Variants in TAF4B observed in about 807,000 individuals in gnomAD.
TAF4B encodes the protein transcription initiation factor TFIID subunit 4B.
TAF4B carries 38 observed loss-of-function variants against 86.4 expected under a neutral mutation model. The observed-to-expected ratio is 0.44, with a 90% CI of 0.34 to 0.58. The LOEUF is 0.58. Ranked by LOEUF, TAF4B falls within the 20% of genes least tolerant of loss-of-function variation. TAF4B has a pLI of 0.02. For missense variants in TAF4B, 988 were observed against 1,027.6 expected (o/e 0.96, Z 0.53); for synonymous variants, 388 against 391.2 (o/e 0.99, Z 0.10).
At chr18:26,251,259 C>T (rs2056002660) in intron 1 of TAF4B, among the ~76,000 whole-genome samples, 1 of 152,116 alleles carries the variant, frequency 6.6e-6, no homozygotes, top group Non-Finnish European at 1.5e-5. Context: ...GTTTTCCTAA[C>T]CCTGGACTAT....
intron 14 of TAF4B, among the ~76,000 whole-genome samples, chr18:26,364,938 A>G (rs760201458): frequency 1.3e-5 from 2 of 151,812 alleles, no homozygotes; most frequent in African/African-American, 2.4e-5. Flanking sequence ...AGAAATTGCA[A>G]TATGTATTAG....
intron 14 of TAF4B, among the ~76,000 whole-genome samples, chr18:26,360,671 T>C (rs1269691613): frequency 6.6e-6 from 1 of 152,230 alleles, no homozygotes; most frequent in African/African-American, 2.4e-5. Context: ...CAGTCCTCTC[T>C]CATTCTCCCT....
At chr18:26,338,892 A>C (rs1489600760) in intron 13 of TAF4B, among the ~76,000 whole-genome samples, 1 of 152,164 alleles carries the variant, frequency 6.6e-6, no homozygotes, top group Non-Finnish European at 1.5e-5. Context: ...AAAAGCATCA[A>C]ATAATTTCTT....
At chr18:26,342,144 C>G (rs532220048) in intron 13 of TAF4B, among the ~76,000 whole-genome samples, 1 of 152,184 alleles carries the variant, frequency 6.6e-6, no homozygotes, top group African/African-American at 2.4e-5. Context: ...ATTGTGAAAT[C>G]TAAGCAGGAC....
At chr18:26,339,375 G>T (rs1219426622) in intron 13 of TAF4B, among the ~76,000 whole-genome samples, 2 of 152,096 alleles carry the variant, frequency 1.3e-5, no homozygotes, top group Non-Finnish European at 2.9e-5. Context: ...ACCCAGGCTG[G>T]AGCGCAGTGA....
In TAF4B at chr18:26,344,796, G is replaced by A. The variant is rs186903008; in HGVS notation, c.2316+9565G>A. Among the ~76,000 whole-genome samples the A allele has an allele frequency of 4.1e-4, 62 of 149,610 alleles. No individual in the cohort carries two copies. The East Asian group carries it at 0.011, about 26-fold the overall frequency. ...TAAACAGATAGGATTTGACTAGAAT[G>A]TCAGAGAGAGCGCTGGAGTGTGGTT... is the stretch of plus-strand genomic sequence containing the variant. On this transcript the variant is annotated intron_variant, in intron 13 of 14. Coordinates refer to ENST00000269142, the MANE Select transcript of TAF4B (RefSeq NM_005640.3).
intron 14 of TAF4B, among the ~76,000 whole-genome samples, chr18:26,358,329 A>G (rs2057304365): frequency 6.6e-6 from 1 of 152,210 alleles, no homozygotes; most frequent in Non-Finnish European, 1.5e-5. Flanking sequence ...CCCCCATAGA[A>G]TAGGCACATG....
intron 9 of TAF4B, among the ~76,000 whole-genome samples, chr18:26,303,633 CATACCCCCTCCACTTT>C (rs2056764924): frequency 3.6e-5 from 1 of 27,648 alleles, no homozygotes; most frequent in Admixed American, 3.1e-4. Flanking sequence ...CCTCCACTTT[CATACCCCCTCCACTTT>C]CATACCCCCT....
At position 26,290,331 on chromosome 18, in the gene TAF4B, G is replaced by A. The variant is rs138994247; in HGVS notation, c.1591-1915G>A. Among the ~76,000 whole-genome samples, 43 of 152,188 alleles carry A rather than the reference G, an allele frequency of 2.8e-4. No individual in the cohort carries two copies. In the East Asian group the frequency reaches 7.3e-3, roughly 26 times the overall value. The stretch of plus-strand genomic sequence containing the variant: ...ATTAAAAAACTTTTTATTTTGATTA[G>A]AGACAGGGTCTTGCTATATTGCCCA... On this transcript the variant is annotated intron_variant, in intron 7 of 14. Transcript: ENST00000269142.
intron 13 of TAF4B, among the ~76,000 whole-genome samples, chr18:26,356,679 A>G (rs757074605): frequency 2.0e-5 from 3 of 151,824 alleles, no homozygotes; most frequent in Admixed American, 6.6e-5. Flanking sequence ...TTTTCCCTCC[A>G]TAGTATTAAT....
intron 13 of TAF4B, among the ~76,000 whole-genome samples, chr18:26,346,907 G>GTATATACATA (rs1555623723): frequency 8.9e-5 from 1 of 11,220 alleles, no homozygotes; most frequent in Admixed American, 1.1e-3. Flanking sequence ...ATATGTGTGT[G>GTATATACATA]TATATATATA....
chr18:26,244,463 G>A (rs1328868678), intron 1 of TAF4B, among the ~76,000 whole-genome samples: 2 of 152,152 alleles, frequency 1.3e-5, no homozygotes, highest in Admixed American at 1.3e-4. Context: ...GATTTTCCAG[G>A]TACTGTCTGT....
At chr18:26,307,362 T>C (rs896123290) in intron 9 of TAF4B, among the ~76,000 whole-genome samples, 2 of 152,168 alleles carry the variant, frequency 1.3e-5, no homozygotes, top group African/African-American at 4.8e-5. Flanking sequence ...GAAGCTGTAT[T>C]GTGCTTAAAC....
intron 1 of TAF4B, among the ~76,000 whole-genome samples, chr18:26,229,832 A>C (rs2055636983): frequency 6.6e-6 from 1 of 152,154 alleles, no homozygotes; most frequent in South Asian, 2.1e-4. Context: ...TTGCATACCA[A>C]GAATTAGCAC....
chr18:26,368,265 A>G (rs549580296), intron 14 of TAF4B, among the ~76,000 whole-genome samples: 2 of 152,306 alleles, frequency 1.3e-5, no homozygotes, highest in African/African-American at 2.4e-5. Flanking sequence ...CATATTTGCT[A>G]GTTTTCATCA....
At chr18:26,230,408 A>C (rs1401560464) in intron 1 of TAF4B, among the ~76,000 whole-genome samples, 1 of 152,148 alleles carries the variant, frequency 6.6e-6, no homozygotes, top group Non-Finnish European at 1.5e-5. Context: ...CTCTGGCTTT[A>C]TCAAAGGGAT....
At chr18:26,378,305 T>G (rs989628490) in intron 14 of TAF4B, among the ~76,000 whole-genome samples, 1 of 152,212 alleles carries the variant, frequency 6.6e-6, no homozygotes, top group Admixed American at 6.5e-5. Context: ...TTCAGTAATA[T>G]TTATAAAATT....
At chr18:26,255,689 C>G in intron 1 of TAF4B, 2 of 1,537,292 alleles carry the variant, frequency 1.3e-6, no homozygotes, top group South Asian at 1.2e-5. Context: ...TACATAAAAA[C>G]CTCAGTCACC....
chr18:26,295,054 A>G (rs1002270648), intron 9 of TAF4B: 16 of 153,112 alleles, frequency 1.0e-4, no homozygotes, highest in African/African-American at 3.7e-4. Context: ...TCTGGCAAAC[A>G]TTTGGATCTT....
Sources: gnomAD v4.1 joint callset for allele counts (sites outside exome capture counted in the v4.1 genomes callset) on GRCh38, gnomAD v4.1.1 for gene constraint, MANE v1.5 for transcripts, NCBI Gene and HGNC (gene_info 2026-07-23, HGNC 2026-07-21) for gene names.